LRRK2: variants seen among roughly 807,000 people sequenced by gnomAD.
The protein encoded by LRRK2 is leucine rich repeat kinase 2.
Under a neutral mutation model 302.6 loss-of-function variants are expected in LRRK2, and 203 were observed. The observed-to-expected ratio is 0.67, with a 90% confidence interval of 0.60 to 0.75. The LOEUF (loss-of-function observed/expected upper bound fraction) is 0.75. Ranked by LOEUF, LRRK2 falls within the 30% of genes least tolerant of loss-of-function variation. The pLI is 0.00. For missense variants in LRRK2, 2,830 were observed against 2,951.0 expected (o/e 0.96, Z 0.95); for synonymous variants, 1,066 against 1,031.9 (o/e 1.03, Z -0.63).
At position 40,346,796 on chromosome 12, in the gene LRRK2, C is replaced by T; in HGVS notation, c.6153C>T (p.Asn2051=). The part of the protein sequence containing the change: ...PEVARGNVIY[N]QQADVYSFGL... ...TTGCCAGAGGAAATGTCATTTATAA[C>T]CAACAGGCTGATGTTTATTCATTTG... Residue 2051 remains asparagine (N), a synonymous_variant, in exon 42 of 51, where the codon AAC becomes AAT. Transcript: ENST00000298910. 1.2e-6 allele frequency: 2 copies of T among 1,613,916 alleles called. No homozygotes were observed. Among genetic ancestry groups the T allele is most frequent in the Non-Finnish European group, 8.5e-7 (1 of 1,179,908 alleles).
At chr12:40,302,924 G>A (rs1346915242) in intron 26 of LRRK2, 42 bp downstream of exon 26, 2 of 1,267,864 alleles carry the variant, frequency 1.6e-6, no homozygotes, top group African/African-American at 1.5e-5. Flanking sequence ...ACATTAGCTG[G>A]AACAGAACCT....
chr12:40,226,849 C>CT (rs1940916315), intron 2 of LRRK2, among the ~76,000 whole-genome samples: 1 of 152,142 alleles, frequency 6.6e-6, no homozygotes, highest in South Asian at 2.1e-4. Context: ...TCTTACTTGT[C>CT]TCTGCTTTGG....
rs540725024 is a variant in LRRK2 at position 40,286,000 on chromosome 12, G to A, written c.2501-1351G>A. ...GTTTCATTACTTAAACTAGTCTTAT[G>A]CCAAAAACCTGCTTACTTTAATCTT... On this transcript the variant is annotated intron_variant, in intron 19 of 50. Coordinates refer to ENST00000298910, the MANE Select transcript of LRRK2 (RefSeq NM_198578.4). Among the ~76,000 whole-genome samples, 12 of 152,070 alleles carry A rather than the reference G, an allele frequency of 7.9e-5. 1 individual carries two copies. The highest frequency in any genetic ancestry group is 2.6e-4 in the African/African-American group (11 of 41,516).
chr12:40,232,944 A>G (rs1941270383), intron 3 of LRRK2, among the ~76,000 whole-genome samples: 1 of 152,222 alleles, frequency 6.6e-6, no homozygotes, highest in Admixed American at 6.5e-5. Flanking sequence ...ATGTTTTTGC[A>G]GTTTGCAGCA....
chr12:40,296,185 T>C (rs1404104731), intron 23 of LRRK2, among the ~76,000 whole-genome samples: 1 of 152,224 alleles, frequency 6.6e-6, no homozygotes, highest in Non-Finnish European at 1.5e-5. Context: ...TCCTGTCTTG[T>C]AAGAATTAAA....
intron 18 of LRRK2, among the ~76,000 whole-genome samples, chr12:40,281,743 C>T (rs1401818740): frequency 2.0e-5 from 3 of 152,132 alleles, no homozygotes; most frequent in African/African-American, 7.2e-5. Flanking sequence ...GCACCATATG[C>T]CTAAAGTCAG....
At chr12:40,325,277 T>TCAAAA (rs984022638) in intron 38 of LRRK2, among the ~76,000 whole-genome samples, 3 of 152,094 alleles carry the variant, frequency 2.0e-5, no homozygotes, top group Admixed American at 6.6e-5. Context: ...ACAGAGCGTC[T>TCAAAA]CAAAACAAAA....
chr12:40,355,991 G>A (rs541785816), intron 45 of LRRK2, 124 bp from the exon 46 acceptor site: 34 of 652,288 alleles, frequency 5.2e-5, no homozygotes, highest in African/African-American at 5.1e-4. Flanking sequence ...TCTAAGAAAA[G>A]GGAGGTTAGG....
At chr12:40,234,394 T>C (rs1396609048) in intron 3 of LRRK2, among the ~76,000 whole-genome samples, 1 of 145,186 alleles carries the variant, frequency 6.9e-6, no homozygotes, top group African/African-American at 2.5e-5. Context: ...TTTTTTTTTT[T>C]TTTTAGACAG....
intron 13 of LRRK2, among the ~76,000 whole-genome samples, chr12:40,261,376 C>A (rs1048929863): frequency 6.6e-6 from 1 of 152,020 alleles, no homozygotes; most frequent in Non-Finnish European, 1.5e-5. Flanking sequence ...TATTTCTTTT[C>A]TTTTATTGTT....
chr12:40,349,336 T>G lies in LRRK2; in HGVS notation c.6381+827T>G, dbSNP rs1592322929. 3.3e-5 allele frequency among the ~76,000 whole-genome samples: 5 copies of G among 152,328 alleles called. No individual in the cohort carries two copies. In the South Asian group the frequency reaches 1.0e-3, roughly 32 times the overall value. ...ATAATGATCTCCTCTCCCTATTTATTTTTCTCATCCAGGAATATTTTAACC... is the reference window on the plus strand; with the variant it reads ...ATAATGATCTCCTCTCCCTATTTATGTTTCTCATCCAGGAATATTTTAACC... On this transcript the variant is annotated intron_variant, in intron 43 of 50. Coordinates refer to ENST00000298910, the MANE Select transcript of LRRK2 (RefSeq NM_198578.4).
At chr12:40,234,369 CTTT>C (rs35906443) in intron 3 of LRRK2, among the ~76,000 whole-genome samples, 93 of 43,064 alleles carry the variant, frequency 2.2e-3, no homozygotes, top group African/African-American at 6.7e-3. Flanking sequence ...GCTAAATTCA[CTTT>C]TTTTTTTTTT....
intron 21 of LRRK2, 64 bp from the exon 22 acceptor site, chr12:40,294,781 C>T (rs1944314000): frequency 5.3e-6 from 5 of 939,640 alleles, no homozygotes; most frequent in Non-Finnish European, 6.7e-6. Flanking sequence ...TGGTTCCTTC[C>T]TTATAAAAAT....
chr12:40,263,990 C>G, intron 14 of LRRK2, 89 bp downstream of exon 14: 1 of 902,676 alleles, frequency 1.1e-6, no homozygotes. Flanking sequence ...TCTAAGTTTT[C>G]TGTTCTCCGT....
intron 18 of LRRK2, among the ~76,000 whole-genome samples, chr12:40,278,473 C>T (rs1943553886): frequency 6.6e-6 from 1 of 152,174 alleles, no homozygotes; most frequent in Admixed American, 6.5e-5. Flanking sequence ...TTCATTTCAT[C>T]TGTTTACTTA....
At chr12:40,256,390 G>A (rs1051410190) in intron 11 of LRRK2, among the ~76,000 whole-genome samples, 1 of 152,140 alleles carries the variant, frequency 6.6e-6, no homozygotes, top group African/African-American at 2.4e-5. Context: ...AGACTGCAGT[G>A]AGCTATGATC....
At chr12:40,259,328 G>C in intron 12 of LRRK2, 152 bp from the exon 13 acceptor site, 1 of 848,258 alleles carries the variant, frequency 1.2e-6, no homozygotes, top group Non-Finnish European at 1.9e-6. Context: ...TTAAAATTAT[G>C]TATGCTCATA....
chr12:40,330,296 T>A (rs1242554170), intron 39 of LRRK2, among the ~76,000 whole-genome samples: 2 of 152,196 alleles, frequency 1.3e-5, no homozygotes, highest in Non-Finnish European at 2.9e-5. Flanking sequence ...CACACTTTAT[T>A]TTTTAGGAAT....
In LRRK2 at chr12:40,302,251, A is replaced by G. The variant is rs920617739; in HGVS notation, c.3497-538A>G. Among the ~76,000 whole-genome samples, 3 of 152,050 alleles carry G rather than the reference A, an allele frequency of 2.0e-5. No homozygotes were observed. In the East Asian group the frequency reaches 5.8e-4, roughly 29 times the overall value. On this transcript the variant is annotated intron_variant, in intron 25 of 50. Coordinates refer to ENST00000298910, the MANE Select transcript of LRRK2 (RefSeq NM_198578.4). Reference sequence around the variant, plus strand: ...ATATACCAGAGTATTGAGAACTCAGATATTTTACTTTATTTTACTGAATGT... The same window carrying G: ...ATATACCAGAGTATTGAGAACTCAGGTATTTTACTTTATTTTACTGAATGT...
Sources: gnomAD v4.1 joint callset for allele counts (sites outside exome capture counted in the v4.1 genomes callset) on GRCh38, gnomAD v4.1.1 for gene constraint, MANE v1.5 for transcripts, NCBI Gene and HGNC (gene_info 2026-07-23, HGNC 2026-07-21) for gene names.